COL24A1: variants seen among roughly 807,000 people sequenced by gnomAD.
COL24A1 encodes collagen alpha-1(XXIV) chain.
COL24A1 carries 224 observed loss-of-function variants against 253.9 expected under a neutral mutation model. The observed-to-expected ratio is 0.88, with a 90% CI of 0.79 to 0.99. COL24A1 has a LOEUF of 0.99. Among genes scored for constraint, COL24A1 ranks in the 50% least tolerant of loss-of-function variants. The pLI is 0.00. For synonymous variants in COL24A1, 685 were observed against 673.7 expected (o/e 1.02, Z -0.26); for missense variants, 2,131 against 2,068.5 (o/e 1.03, Z -0.59).
intron 37 of COL24A1, 46 bp downstream of exon 37, chr1:85,868,473 G>A (rs766789260): frequency 3.0e-6 from 4 of 1,345,512 alleles, no homozygotes; most frequent in Non-Finnish European, 4.3e-6. Flanking sequence ...ACACATACAG[G>A]CAGTGAATTC....
At chr1:86,016,533 T>C (rs1480319973) in intron 19 of COL24A1, among the ~76,000 whole-genome samples, 2 of 152,220 alleles carry the variant, frequency 1.3e-5, no homozygotes, top group Non-Finnish European at 2.9e-5. Context: ...TGGGCATATA[T>C]TTTTGAAACT....
chr1:85,830,655 G>A (rs925486960), intron 43 of COL24A1, among the ~76,000 whole-genome samples: 4 of 152,118 alleles, frequency 2.6e-5, no homozygotes, highest in South Asian at 2.1e-4. Flanking sequence ...TCGGAAAAGC[G>A]CAGTATTCGG....
At chr1:86,034,811 C>T (rs1045673193) in intron 12 of COL24A1, among the ~76,000 whole-genome samples, 40 of 152,062 alleles carry the variant, frequency 2.6e-4, no homozygotes, top group African/African-American at 9.7e-4. Context: ...TACAATACTA[C>T]ATTTTTCTCT....
intron 12 of COL24A1, among the ~76,000 whole-genome samples, chr1:86,044,775 A>G (rs941138983): frequency 2.0e-5 from 3 of 152,190 alleles, no homozygotes; most frequent in Non-Finnish European, 2.9e-5. Flanking sequence ...TCATTATAGT[A>G]GGAATAGAAA....
At chr1:85,913,126 T>C (rs1685534650) in intron 24 of COL24A1, among the ~76,000 whole-genome samples, 1 of 152,218 alleles carries the variant, frequency 6.6e-6, no homozygotes, top group Non-Finnish European at 1.5e-5. Flanking sequence ...AATTTGTTTC[T>C]GTGGTTTTTA....
chr1:86,117,625 AT>A (rs1305438790), intron 3 of COL24A1, among the ~76,000 whole-genome samples: 1 of 152,060 alleles, frequency 6.6e-6, no homozygotes, highest in East Asian at 1.9e-4. Context: ...CAATTCTCAC[AT>A]GTCTTCATAA....
intron 20 of COL24A1, among the ~76,000 whole-genome samples, chr1:85,976,410 A>G (rs1210418750): frequency 1.3e-5 from 2 of 152,042 alleles, no homozygotes; most frequent in Non-Finnish European, 2.9e-5. Flanking sequence ...TTATGGAACA[A>G]AATGCCCTCT....
intron 32 of COL24A1, among the ~76,000 whole-genome samples, chr1:85,883,399 T>G (rs1021896501): frequency 6.6e-6 from 1 of 151,992 alleles, no homozygotes; most frequent in African/African-American, 2.4e-5. Flanking sequence ...TTTGCGTTTT[T>G]TGGTAGAGAT....
intron 12 of COL24A1, among the ~76,000 whole-genome samples, chr1:86,039,600 T>C (rs565466119): frequency 1.3e-5 from 2 of 152,230 alleles, no homozygotes; most frequent in Admixed American, 1.3e-4. Flanking sequence ...GAAGTAGAAA[T>C]GAATAAAAAT....
chr1:86,146,147 A>G lies in COL24A1; in HGVS notation c.93T>C (p.Ala31=). The change falls in exon 2 of 60, where the codon GCT becomes GCC. Residue 31 remains alanine (A), a synonymous_variant. Coordinates refer to ENST00000370571, the MANE Select transcript of COL24A1 (RefSeq NM_152890.7). ...SLLHFIVLCV[A]GVVVHAQEQG... ...GTTCTTGTGCATGAACAACCACCCC[A>G]GCCACACATAGTACAATAAAATGAA... 6.2e-7 allele frequency: 1 copy of G among 1,611,956 alleles called. No individual in the cohort carries two copies. Among genetic ancestry groups the G allele is most frequent in the Non-Finnish European group, 8.5e-7 (1 of 1,178,934 alleles).
chr1:86,027,815 C>G (rs916932990), intron 14 of COL24A1, among the ~76,000 whole-genome samples: 6 of 152,178 alleles, frequency 3.9e-5, no homozygotes, highest in Non-Finnish European at 7.4e-5. Flanking sequence ...CACCATTCAC[C>G]TGGAAAAGCC....
intron 32 of COL24A1, among the ~76,000 whole-genome samples, chr1:85,887,552 C>T (rs1213783592): frequency 6.6e-6 from 1 of 151,452 alleles, no homozygotes; most frequent in Non-Finnish European, 1.5e-5. Flanking sequence ...AACTTTTAAA[C>T]TTTGCTGTTA....
chr1:85,891,989 G>T (rs927102031), intron 31 of COL24A1, among the ~76,000 whole-genome samples: 5 of 152,060 alleles, frequency 3.3e-5, no homozygotes, highest in African/African-American at 1.2e-4. Context: ...TGACCATGAG[G>T]ATAATAATGA....
chr1:86,064,258 T>A (rs978276441), intron 7 of COL24A1, among the ~76,000 whole-genome samples: 4 of 152,106 alleles, frequency 2.6e-5, no homozygotes, highest in Admixed American at 2.6e-4. Flanking sequence ...ACTCAAAAAA[T>A]CATGAGGCTG....
intron 57 of COL24A1, among the ~76,000 whole-genome samples, chr1:85,743,853 G>A (rs1164541652): frequency 2.6e-5 from 4 of 152,102 alleles, no homozygotes; most frequent in Non-Finnish European, 5.9e-5. Flanking sequence ...TTTCATTGAA[G>A]TTCTAGAACG....
At chr1:85,934,935 C>T (rs541154089) in intron 24 of COL24A1, among the ~76,000 whole-genome samples, 26 of 151,628 alleles carry the variant, frequency 1.7e-4, no homozygotes, top group Admixed American at 6.6e-4. Context: ...ACACTGATTC[C>T]ACATCTAACA....
rs7525658 is a variant in COL24A1, at chr1:86,104,550, G to T, written c.1599+8017C>A. Reference sequence around the variant, plus strand: ...GAAATTGATGTCCTTTGAATGGTTTGTTTTTCTTTTATCCTATTTGATGAA... The same window carrying T: ...GAAATTGATGTCCTTTGAATGGTTTTTTTTTCTTTTATCCTATTTGATGAA... On this transcript the variant is annotated intron_variant, in intron 5 of 59. Coordinates refer to ENST00000370571, the MANE Select transcript of COL24A1 (RefSeq NM_152890.7). 6.0e-3 allele frequency among the ~76,000 whole-genome samples: 907 copies of T among 152,190 alleles called. 7 individuals carry two copies. The highest frequency in any genetic ancestry group is 0.021 in the African/African-American group (869 of 41,528).
chr1:86,106,221 C>T (rs908950924), intron 5 of COL24A1, among the ~76,000 whole-genome samples: 8 of 151,930 alleles, frequency 5.3e-5, no homozygotes, highest in Admixed American at 2.0e-4. Context: ...GATAAATACA[C>T]GATGGAGACA....
chr1:85,919,300 C>T (rs1686215728), intron 24 of COL24A1, among the ~76,000 whole-genome samples: 1 of 152,172 alleles, frequency 6.6e-6, no homozygotes, highest in Non-Finnish European at 1.5e-5. Context: ...TATGACATGG[C>T]AATTATTAAC....
Sources: allele counts gnomAD v4.1 joint callset (sites outside exome capture counted in the v4.1 genomes callset), GRCh38; gene constraint gnomAD v4.1.1; transcripts MANE v1.5; gene names NCBI Gene and HGNC (gene_info 2026-07-23, HGNC 2026-07-21).